CHMP3: variants seen among roughly 807,000 people sequenced by gnomAD.
The protein encoded by CHMP3 is charged multivesicular body protein 3, also known as 25.1 protein.
Under a neutral mutation model 27.4 loss-of-function variants are expected in CHMP3, and 8 were observed. The ratio of observed to expected loss-of-function variants is 0.29; its 90% CI spans 0.17 to 0.53. The LOEUF (loss-of-function observed/expected upper bound fraction) is 0.53, where lower values mean the gene tolerates loss of function less well. CHMP3 is among the 20% of genes least tolerant of loss of function. CHMP3 has a pLI of 0.96. For synonymous variants in CHMP3, 86 were observed against 85.5 expected (o/e 1.01, Z -0.03); for missense variants, 208 against 271.5 (o/e 0.77, Z 1.64).
Position 86,529,246 on chromosome 2 carries a change from T to C in CHMP3, c.258A>G (p.Ser86=). The C allele has an allele frequency of 1.9e-6, 3 of 1,610,118 alleles. No individual in the cohort carries two copies. Among genetic ancestry groups the C allele is most frequent in the Non-Finnish European group, 2.5e-6 (3 of 1,178,480 alleles). Residue 86 remains serine, a synonymous_variant, in exon 3 of 6, where the codon TCA becomes TCG. Transcript: ENST00000263856. ...KLYASKAHMN[S]VLMGMKNQLA... Reference sequence around the variant, plus strand: ...GCTGGTTCTTCATCCCCATGAGCACTGAGTTCATGTGTGCTTTGGATGCAT... The same window carrying C: ...GCTGGTTCTTCATCCCCATGAGCACCGAGTTCATGTGTGCTTTGGATGCAT...
intron 1 of CHMP3, among the ~76,000 whole-genome samples, chr2:86,551,519 A>C (rs1193451668): frequency 6.6e-6 from 1 of 152,102 alleles, no homozygotes; most frequent in Non-Finnish European, 1.5e-5. Flanking sequence ...GGCCTCCCAA[A>C]GTGCTGGGAT....
chr2:86,513,258 A>T (rs894005772), intron 3 of CHMP3, among the ~76,000 whole-genome samples: 2 of 152,252 alleles, frequency 1.3e-5, no homozygotes, highest in Non-Finnish European at 2.9e-5. Context: ...CAGTCTGAAA[A>T]GGCTACATAT....
At chr2:86,511,426 A>G (rs1675103032) in intron 3 of CHMP3, 1 of 152,156 alleles carries the variant, frequency 6.6e-6, no homozygotes, top group Non-Finnish European at 1.5e-5. Context: ...AAAATAAAAT[A>G]TTTATTAATA....
intron 1 of CHMP3, among the ~76,000 whole-genome samples, chr2:86,554,467 C>CA (rs1489502986): frequency 2.6e-5 from 4 of 152,076 alleles, no homozygotes; most frequent in Non-Finnish European, 5.9e-5. Flanking sequence ...TAAAGATGTT[C>CA]AATCTCACTG....
chr2:86,537,908 TTTTG>T (rs1676212946), intron 2 of CHMP3, among the ~76,000 whole-genome samples: 1 of 152,218 alleles, frequency 6.6e-6, no homozygotes, highest in African/African-American at 2.4e-5. Context: ...GTAATGCTAC[TTTTG>T]TTTATGTACG....
intron 2 of CHMP3, among the ~76,000 whole-genome samples, chr2:86,532,276 T>G (rs1004629071): frequency 6.6e-6 from 1 of 152,082 alleles, no homozygotes; most frequent in Non-Finnish European, 1.5e-5. Context: ...GAAATACAAT[T>G]TTTTTTGGTG....
At position 86,505,772 on chromosome 2, in the gene CHMP3, A is replaced by C; in HGVS notation, c.*32T>G. The stretch of plus-strand genomic sequence containing the variant: ...ACATAAAATGGCAGCTCTTGAGAGG[A>C]GTGTGTGCACACCCAGCGGGGTAGG... On this transcript the variant is annotated 3_prime_UTR_variant, in exon 6 of 6. Transcript: ENST00000263856. 6.6e-7 allele frequency: 1 copy of C among 1,513,750 alleles called. No homozygotes were observed. Among genetic ancestry groups the C allele is most frequent in the Non-Finnish European group, 8.9e-7 (1 of 1,125,990 alleles). The allele number at this position is 1,513,750 out of a possible 1,614,324, so 93.8% of individuals were successfully genotyped here.
chr2:86,555,147 C>A (rs538865801), intron 1 of CHMP3, among the ~76,000 whole-genome samples: 2 of 152,158 alleles, frequency 1.3e-5, no homozygotes, highest in South Asian at 4.1e-4. Context: ...CGCTCCCGGC[C>A]TTAGAACTAA....
At chr2:86,533,895 TTGTC>T (rs1158469098) in intron 2 of CHMP3, among the ~76,000 whole-genome samples, 1 of 152,230 alleles carries the variant, frequency 6.6e-6, no homozygotes, top group East Asian at 1.9e-4. Context: ...TGGTTTTTAC[TTGTC>T]TGTAAGTATT....
At chr2:86,546,091 G>A (rs1405594007) in intron 1 of CHMP3, among the ~76,000 whole-genome samples, 5 of 152,136 alleles carry the variant, frequency 3.3e-5, no homozygotes, top group Non-Finnish European at 7.3e-5. Context: ...TTGAGTGAGC[G>A]AGACTCCGTC....
intron 1 of CHMP3, among the ~76,000 whole-genome samples, chr2:86,555,933 G>T (rs1677103756): frequency 6.6e-6 from 1 of 152,106 alleles, no homozygotes; most frequent in East Asian, 1.9e-4. Context: ...GATCTCTTTG[G>T]GGGTGGGGAG....
At chr2:86,516,530 A>C (rs1404069815) in intron 3 of CHMP3, among the ~76,000 whole-genome samples, 1 of 152,214 alleles carries the variant, frequency 6.6e-6, no homozygotes, top group Non-Finnish European at 1.5e-5. Flanking sequence ...GATGTAGAAA[A>C]ACAGGATCAC....
In CHMP3 at chr2:86,505,784, C is replaced by A; in HGVS notation, c.*20G>T. 1 of 1,555,610 alleles carries A rather than the reference C, an allele frequency of 6.4e-7. No homozygotes were observed. Among genetic ancestry groups the A allele is most frequent in the Non-Finnish European group, 8.7e-7 (1 of 1,149,250 alleles). On this transcript the variant is annotated 3_prime_UTR_variant, in exon 6 of 6. Coordinates refer to ENST00000263856, the MANE Select transcript of CHMP3 (RefSeq NM_016079.4). ...AGCTCTTGAGAGGAGTGTGTGCACA[C>A]CCAGCGGGGTAGGCAGCCCCTAGCT... is the stretch of plus-strand genomic sequence containing the variant.
intron 2 of CHMP3, 37 bp from the exon 3 acceptor site, chr2:86,529,434 G>A: frequency 1.0e-5 from 16 of 1,527,850 alleles, no homozygotes; most frequent in Non-Finnish European, 1.3e-5. Context: ...TCAAGGGTAA[G>A]TCAGGTTTAT....
At chr2:86,527,806 C>A (rs1675773621) in intron 3 of CHMP3, among the ~76,000 whole-genome samples, 1 of 151,936 alleles carries the variant, frequency 6.6e-6, no homozygotes, top group Non-Finnish European at 1.5e-5. Context: ...ACTAAAAATA[C>A]AAAAATTAGC....
At chr2:86,550,477 A>G (rs1346486743) in intron 1 of CHMP3, among the ~76,000 whole-genome samples, 5 of 151,560 alleles carry the variant, frequency 3.3e-5, no homozygotes, top group Non-Finnish European at 7.4e-5. Flanking sequence ...GTTCTTAAAC[A>G]AGACACAAAG....
intron 1 of CHMP3, among the ~76,000 whole-genome samples, chr2:86,556,346 C>G (rs1677120266): frequency 6.6e-6 from 1 of 152,196 alleles, no homozygotes; most frequent in Non-Finnish European, 1.5e-5. Flanking sequence ...GACCTTAGAT[C>G]AAAATCTGCC....
At position 86,505,864 on chromosome 2, in the gene CHMP3, C is replaced by G; in HGVS notation, c.609G>C (p.Glu203Asp). 2 of 1,604,018 alleles carry G rather than the reference C, an allele frequency of 1.2e-6. No homozygotes were observed. The highest frequency in any genetic ancestry group is 1.7e-6 in the Non-Finnish European group (2 of 1,175,024). Residue 203 changes from glutamate (E) to aspartate (D), a missense_variant, in exon 6 of 6, where the codon GAG becomes GAC. Glu to Asp is a conservative substitution (Grantham distance 45). This residue lies in a region of CHMP3 where 62 missense variants were observed against 68.4 expected (regional missense o/e 0.91). Transcript: ENST00000263856. ...PPGAMAASED[E>D]EEEEEALEAM... Reference sequence around the variant, plus strand: ...CCTCCAGAGCCTCTTCCTCCTCCTCCTCATCCTCTGAGGCAGCCATCGCTC... The same window carrying G: ...CCTCCAGAGCCTCTTCCTCCTCCTCGTCATCCTCTGAGGCAGCCATCGCTC...
At chr2:86,545,553 G>A (rs1676549625) in intron 1 of CHMP3, among the ~76,000 whole-genome samples, 1 of 122,564 alleles carries the variant, frequency 8.2e-6, no homozygotes, top group Non-Finnish European at 1.8e-5. Context: ...CGACTGCCGG[G>A]CAGAGGCGCT....
Sources: allele counts gnomAD v4.1 joint callset (sites outside exome capture counted in the v4.1 genomes callset), GRCh38; gene constraint gnomAD v4.1.1; regional missense constraint gnomAD v4.1.1; transcripts MANE v1.5; gene names NCBI Gene and HGNC (gene_info 2026-07-23, HGNC 2026-07-21).